The following CYB5A variants were observed in gnomAD, a reference collection of about 807,000 sequenced individuals.
The protein encoded by CYB5A is cytochrome b5 type A, also known as cytochrome b5.
CYB5A carries 10 observed loss-of-function variants against 16.2 expected under a neutral mutation model. The observed-to-expected ratio is 0.62, with a 90% confidence interval of 0.38 to 1.04. The LOEUF (loss-of-function observed/expected upper bound fraction) is 1.04, where lower values mean the gene tolerates loss of function less well. CYB5A is among the 50% of genes least tolerant of loss of function. The pLI, the probability that CYB5A is intolerant of heterozygous loss-of-function variation, is 0.01. For missense variants in CYB5A, 161 were observed against 165.9 expected, an observed-to-expected ratio of 0.97 and a Z score of 0.16; for synonymous variants, 62 against 57.0, an observed-to-expected ratio of 1.09 and a Z score of -0.40.
chr18:74,290,069 A>G (rs1488171373), intron 1 of CYB5A, among the ~76,000 whole-genome samples: 1 of 152,152 alleles, frequency 6.6e-6, no homozygotes, highest in Admixed American at 6.5e-5. Flanking sequence ...TTTAGAGTTA[A>G]TGAGAATTGA....
chr18:74,254,883 A>G (rs1981912599), intron 4 of CYB5A, among the ~76,000 whole-genome samples: 1 of 152,204 alleles, frequency 6.6e-6, no homozygotes, highest in Non-Finnish European at 1.5e-5. Flanking sequence ...AATTTCTTAG[A>G]AAAATGGAAA....
intron 1 of CYB5A, among the ~76,000 whole-genome samples, chr18:74,264,178 T>C (rs1982332034): frequency 1.4e-5 from 2 of 148,056 alleles, no homozygotes; most frequent in South Asian, 4.3e-4. Context: ...GCCACTGCAC[T>C]CCAGCCTAGG....
intron 1 of CYB5A, among the ~76,000 whole-genome samples, chr18:74,285,530 C>T (rs887496306): frequency 8.5e-5 from 13 of 152,272 alleles, no homozygotes; most frequent in South Asian, 2.1e-4. Context: ...TCCTAAGAAC[C>T]GAGAAATGCA....
In CYB5A at chr18:74,284,232, C is replaced by CAAAAAAAAAAAAA. The variant is rs1568224908; in HGVS notation, c.129+7514_129+7515insTTTTTTTTTTTTT. On this transcript the variant is annotated intron_variant, in intron 1 of 4. Transcript: ENST00000340533. ...GGGCAACAACAGTGAAACTCCATCT[C>CAAAAAAAAAAAAA]CAAAAAAAAAAAAAAAAAAAAGAGA... Among the ~76,000 whole-genome samples the CAAAAAAAAAAAAA allele has an allele frequency of 2.0e-5, 2 of 100,230 alleles. 1 individual carries two copies. The highest frequency in any genetic ancestry group is 9.5e-5 in the African/African-American group (2 of 20,958). 65.8% of individuals were successfully genotyped at this position (100,230 alleles called of 152,430 possible).
intron 1 of CYB5A, among the ~76,000 whole-genome samples, chr18:74,278,909 T>C (rs947392513): frequency 1.3e-5 from 2 of 152,352 alleles, no homozygotes; most frequent in Admixed American, 1.3e-4. Flanking sequence ...CTTGTCTCAT[T>C]GGATAAAATA....
intron 1 of CYB5A, among the ~76,000 whole-genome samples, chr18:74,265,301 C>T (rs2145051680): frequency 6.6e-6 from 1 of 152,248 alleles, no homozygotes; most frequent in East Asian, 1.9e-4. Context: ...ATCATCTTGC[C>T]TCCAGAGAGC....
intron 1 of CYB5A, among the ~76,000 whole-genome samples, chr18:74,270,966 G>C (rs1358913537): frequency 6.6e-6 from 1 of 152,170 alleles, no homozygotes; most frequent in Non-Finnish European, 1.5e-5. Context: ...GATAAGCACA[G>C]ATCATTCTTA....
chr18:74,264,299 A>G (rs1982345639), intron 1 of CYB5A, among the ~76,000 whole-genome samples: 1 of 152,116 alleles, frequency 6.6e-6, no homozygotes, highest in South Asian at 2.1e-4. Flanking sequence ...AGCTTAGTAA[A>G]AGCATGAGGC....
At position 74,250,910 on chromosome 18, in the gene CYB5A, G is replaced by A. The variant is rs1422790113; in HGVS notation, c.*2674C>T. ...AGGCCCGGCACAGTGGCTCATGCCT[G>A]TAATTCCAGCACTTTGCGAGCCTGA... On this transcript the variant is annotated 3_prime_UTR_variant, in exon 5 of 5. Transcript: ENST00000340533. 3 of 152,264 alleles carry A rather than the reference G, an allele frequency of 2.0e-5. No individual in the cohort carries two copies. Among genetic ancestry groups the A allele is most frequent in the African/African-American group, 4.8e-5 (2 of 41,452 alleles). The allele number at this position is 152,264 out of a possible 1,614,324, so 9.4% of individuals were successfully genotyped here.
chr18:74,291,522 G>A (rs1481084381), intron 1 of CYB5A, among the ~76,000 whole-genome samples: 1 of 149,030 alleles, frequency 6.7e-6, no homozygotes, highest in Non-Finnish European at 1.5e-5. Context: ...CCAGGTGTGA[G>A]CGCGCAGGTG....
At chr18:74,256,927 T>A in intron 3 of CYB5A, 3 of 1,324,690 alleles carry the variant, frequency 2.3e-6, no homozygotes, top group Non-Finnish European at 3.3e-6. Flanking sequence ...CCAGCAATTT[T>A]AAAATCTTAG....
chr18:74,277,156 T>C (rs1349838708), intron 1 of CYB5A, among the ~76,000 whole-genome samples: 2 of 152,208 alleles, frequency 1.3e-5, no homozygotes, highest in African/African-American at 2.4e-5. Flanking sequence ...GAATGAACAA[T>C]TGATGCAAGA....
At chr18:74,254,362 C>T (rs1409970040) in intron 4 of CYB5A, among the ~76,000 whole-genome samples, 1 of 145,646 alleles carries the variant, frequency 6.9e-6, no homozygotes, top group Non-Finnish European at 1.5e-5. Context: ...AACAGAATGG[C>T]CAGACTACTT....
At chr18:74,272,870 T>C (rs1157005599) in intron 1 of CYB5A, among the ~76,000 whole-genome samples, 1 of 152,060 alleles carries the variant, frequency 6.6e-6, no homozygotes, top group African/African-American at 2.4e-5. Flanking sequence ...TGCAGTGAGC[T>C]GAGATCACGC....
Position 74,251,768 on chromosome 18 carries a change from G to T in CYB5A, c.*1816C>A, listed in dbSNP as rs547668885. ...TAAACTCTCCTTTACTCCACATGTT[G>T]TTCCCAAAACACATGAAGAAACATT... On this transcript the variant is annotated 3_prime_UTR_variant, in exon 5 of 5. Transcript: ENST00000340533. The T allele has an allele frequency of 2.0e-5, 3 of 152,308 alleles. No individual in the cohort carries two copies. Among genetic ancestry groups the T allele is most frequent in the African/African-American group, 7.2e-5 (3 of 41,576 alleles). The allele number at this position is 152,308 out of a possible 1,614,324, so 9.4% of individuals were successfully genotyped here. A position where few individuals can be genotyped will look rare whatever the true frequency, so the allele number is the denominator to read the frequency against.
rs1981754875 is a variant in CYB5A at position 74,250,863 on chromosome 18, TTTA to T, written c.*2718_*2720del. 6.6e-6 allele frequency: 1 copy of T among 152,088 alleles called. No individual in the cohort carries two copies. Among genetic ancestry groups the T allele is most frequent in the Admixed American group, 6.6e-5 (1 of 15,256 alleles). The allele number at this position is 152,088 out of a possible 1,614,324, so 9.4% of individuals were successfully genotyped here. ...GTCCGCAGTGCAAAGTGAAAACAAC[TTTA>T]TTAAGAAAGTCAAGGAATAGGCCCG... On this transcript the variant is annotated 3_prime_UTR_variant, in exon 5 of 5. Transcript: ENST00000340533.
intron 3 of CYB5A, 120 bp from the exon 4 acceptor site, chr18:74,255,895 G>T: frequency 1.3e-6 from 1 of 772,776 alleles, no homozygotes; most frequent in Non-Finnish European, 2.3e-6. Flanking sequence ...TTCAGAAGAT[G>T]TCGAAAGGGA....
At chr18:74,259,819 A>C (rs1982127296) in intron 3 of CYB5A, 1 of 152,182 alleles carries the variant, frequency 6.6e-6, no homozygotes, top group Non-Finnish European at 1.5e-5. Flanking sequence ...AGTCAAATGA[A>C]CTCACAGCAA....
At chr18:74,265,210 C>CT (rs201545430) in intron 1 of CYB5A, among the ~76,000 whole-genome samples, 101 of 151,738 alleles carry the variant, frequency 6.7e-4, no homozygotes, top group African/African-American at 2.1e-3. Context: ...GACATCCACT[C>CT]TTTTTTTTTC....
Sources: allele counts gnomAD v4.1 joint callset (sites outside exome capture counted in the v4.1 genomes callset), GRCh38; gene constraint gnomAD v4.1.1; transcripts MANE v1.5; gene names NCBI Gene and HGNC (gene_info 2026-07-23, HGNC 2026-07-21).